DNM2: variants seen among roughly 807,000 people sequenced by gnomAD.
DNM2 encodes the protein dynamin-2.
In DNM2, 15 loss-of-function variants were observed where a neutral mutation model predicts 99.0. That is an observed-to-expected ratio of 0.15 (90% CI 0.10 to 0.23). DNM2 has a LOEUF of 0.23. Among genes scored for constraint, DNM2 ranks in the 10% least tolerant of loss-of-function variants. DNM2 has a pLI of 1.00. For synonymous variants in DNM2, 525 were observed against 481.2 expected, an observed-to-expected ratio of 1.09 and a Z score of -1.19; for missense variants, 742 against 1,189.4, an observed-to-expected ratio of 0.62 and a Z score of 5.53.
chr19:10,729,092 G>T (rs987220884), intron 1 of DNM2, among the ~76,000 whole-genome samples: 10 of 125,024 alleles, frequency 8.0e-5, no homozygotes, highest in Non-Finnish European at 1.6e-4. Context: ...GTGAACCCGG[G>T]AGGCGGAGCT....
intron 5 of DNM2, 105 bp downstream of exon 5, chr19:10,777,321 C>T: frequency 9.6e-7 from 1 of 1,037,976 alleles, no homozygotes; most frequent in South Asian, 1.3e-5. Flanking sequence ...ATTGCTTCTC[C>T]ATTTCACCGT....
intron 10 of DNM2, among the ~76,000 whole-genome samples, chr19:10,798,108 C>T (rs1478681346): frequency 6.6e-6 from 1 of 152,168 alleles, no homozygotes; most frequent in Non-Finnish European, 1.5e-5. Flanking sequence ...CTAGAACAGA[C>T]GCTACTCACT....
At chr19:10,787,891 T>C (rs1270212390) in intron 7 of DNM2, among the ~76,000 whole-genome samples, 1 of 150,066 alleles carries the variant, frequency 6.7e-6, no homozygotes, top group Non-Finnish European at 1.5e-5. Context: ...ATCGTGCCAT[T>C]GCACTCCAGC....
Position 10,775,887 on chromosome 19 carries a change from C to T in DNM2, c.570C>T (p.Ala190=), listed in dbSNP as rs762315864. ...DLANSDALKL[A]KEVDPQGLRT... is the part of the protein sequence containing the mutation. ...CCAACTCCGACGCCCTCAAGCTGGC[C>T]AAGGAAGTCGATCCCCAAGGTAACC... The change falls in exon 4 of 21, where the codon GCC becomes GCT. Residue 190 remains alanine (A), a synonymous_variant. Transcript: ENST00000389253. The surrounding 1 kb of genome is among the most constrained non-coding windows in gnomAD (Gnocchi z 4.3). 7.4e-6 allele frequency: 12 copies of T among 1,612,830 alleles called. No homozygotes were observed. The South Asian group carries it at 1.2e-4, about 16-fold the overall frequency.
At chr19:10,744,031 GC>G (rs1268460030) in intron 1 of DNM2, among the ~76,000 whole-genome samples, 1 of 151,274 alleles carries the variant, frequency 6.6e-6, no homozygotes, top group East Asian at 1.9e-4. Context: ...GGTAGCATAC[GC>G]CCGTAGTCCC....
At chr19:10,792,774 G>A (rs1032426592) in intron 7 of DNM2, among the ~76,000 whole-genome samples, 1 of 151,884 alleles carries the variant, frequency 6.6e-6, no homozygotes, top group African/African-American at 2.4e-5. Context: ...CACCCAGCTC[G>A]TTTTTGTATT....
intron 1 of DNM2, chr19:10,718,738 C>G (rs1317471758): frequency 2.0e-5 from 4 of 200,602 alleles, no homozygotes; most frequent in Admixed American, 6.1e-5. Context: ...GATCCCTCTT[C>G]TGCTCTTTCG....
At chr19:10,729,418 T>TG (rs1252037694) in intron 1 of DNM2, among the ~76,000 whole-genome samples, 1 of 151,910 alleles carries the variant, frequency 6.6e-6, no homozygotes, top group East Asian at 1.9e-4. Context: ...TGTACTGCAT[T>TG]GGGTGGGGGA....
chr19:10,784,980 C>T (rs1041020104), intron 6 of DNM2, among the ~76,000 whole-genome samples: 3 of 151,696 alleles, frequency 2.0e-5, no homozygotes, highest in Non-Finnish European at 4.4e-5. Context: ...TGCGCCACCA[C>T]ACTCAACTAA....
chr19:10,765,651 C>T lies in DNM2; in HGVS notation c.235+5840C>T, dbSNP rs1438530132. ...AGAGAGAACTCAAGGGCTAAATGGGCATGGGAAGTGTTGTGTGCTGTGCCC... is the reference window on the plus strand; with the variant it reads ...AGAGAGAACTCAAGGGCTAAATGGGTATGGGAAGTGTTGTGTGCTGTGCCC... On this transcript the variant is annotated intron_variant, in intron 2 of 20. Coordinates refer to ENST00000389253, the MANE Select transcript of DNM2 (RefSeq NM_001005361.3). This position sits in a 1 kb window ranked among gnomAD's most constrained non-coding sequence, Gnocchi z 4.4. Among the ~76,000 whole-genome samples the T allele has an allele frequency of 2.0e-5, 3 of 152,172 alleles. No individual in the cohort carries two copies. The highest frequency in any genetic ancestry group is 4.4e-5 in the Non-Finnish European group (3 of 68,026).
At position 10,718,178 on chromosome 19, in the gene DNM2, C is replaced by A; in HGVS notation, c.-65C>A. Reference sequence around the variant, plus strand: ...GCAACGGCTACAGACGCCGCGGGGCCAGGTCGTTGAGGGTCGGCGGCGGGC... The same window carrying A: ...GCAACGGCTACAGACGCCGCGGGGCAAGGTCGTTGAGGGTCGGCGGCGGGC... On this transcript the variant is annotated 5_prime_UTR_variant, in exon 1 of 21. Transcript: ENST00000389253. 7.4e-7 allele frequency: 1 copy of A among 1,343,502 alleles called. No homozygotes were observed. The highest frequency in any genetic ancestry group is 1.8e-5 in the South Asian group (1 of 54,822). 83.2% of individuals were successfully genotyped at this position (1,343,502 alleles called of 1,614,324 possible). A position where few individuals can be genotyped will look rare whatever the true frequency, so the allele number is the denominator to read the frequency against.
At chr19:10,763,859 C>T (rs1078655) in intron 2 of DNM2, among the ~76,000 whole-genome samples, 142,775 of 152,114 alleles carry the variant, frequency 0.94, 67,236 homozygotes, top group East Asian at 1. Flanking sequence ...AGAATGCAAG[C>T]GGGGAGTGGG....
Position 10,831,524 on chromosome 19 carries a change from G to A in DNM2, c.*477G>A, listed in dbSNP as rs182644552. The A allele has an allele frequency of 8.0e-5, 79 of 987,194 alleles. No homozygotes were observed. The Admixed American group carries it at 1.7e-3, about 21-fold the overall frequency. The allele number at this position is 987,194 out of a possible 1,614,324, so 61.2% of individuals were successfully genotyped here. A position where few individuals can be genotyped will look rare whatever the true frequency, so the allele number is the denominator to read the frequency against. On this transcript the variant is annotated 3_prime_UTR_variant, in exon 21 of 21. Coordinates refer to ENST00000389253, the MANE Select transcript of DNM2 (RefSeq NM_001005361.3). The surrounding 1 kb of genome is among the most constrained non-coding windows in gnomAD (Gnocchi z 4.3). ...GCGGCAAGCCTGGCCCAGTGGGCTC[G>A]GTAGTGCCCAGCTGGCAGGCCTGAG...
At chr19:10,799,238 G>A (rs17698352) in intron 11 of DNM2, among the ~76,000 whole-genome samples, 16,519 of 151,982 alleles carry the variant, frequency 0.11, 1,332 homozygotes, top group East Asian at 0.35. Context: ...TAAAAAAGAA[G>A]CAGCAAAGGA....
chr19:10,797,691 T>C (rs1044167936), intron 10 of DNM2, among the ~76,000 whole-genome samples, 173 bp downstream of exon 10: 1 of 152,198 alleles, frequency 6.6e-6, no homozygotes, highest in Non-Finnish European at 1.5e-5. Flanking sequence ...GGGAGTGGCA[T>C]CACACGTGGG....
At position 10,808,008 on chromosome 19, in the gene DNM2, TGGTG is replaced by T. The variant is rs147758469; in HGVS notation, c.1546-556_1546-553del. 0.029 allele frequency among the ~76,000 whole-genome samples: 4,441 copies of T among 151,668 alleles called. 387 individuals carry two copies. The East Asian group carries it at 0.36, about 12-fold the overall frequency. The stretch of plus-strand genomic sequence containing the variant: ...AATACAAAAAATTAGCCTGGCATGA[TGGTG>T]GGTGCCTATAATTCCACCTACTCGG... On this transcript the variant is annotated intron_variant, in intron 13 of 20. Transcript: ENST00000389253.
chr19:10,739,539 AT>A (rs1333903084), intron 1 of DNM2, among the ~76,000 whole-genome samples: 1 of 152,004 alleles, frequency 6.6e-6, no homozygotes, highest in African/African-American at 2.4e-5. Flanking sequence ...GGCTTTGTTT[AT>A]TTAGCATCAT....
chr19:10,773,747 C>T (rs1423740424), intron 3 of DNM2, among the ~76,000 whole-genome samples: 3 of 151,828 alleles, frequency 2.0e-5, no homozygotes, highest in Non-Finnish European at 4.4e-5. Flanking sequence ...GGATTACAGG[C>T]GTGAGCCACC....
chr19:10,732,089 T>G (rs1030772056), intron 1 of DNM2, among the ~76,000 whole-genome samples: 9 of 150,774 alleles, frequency 6.0e-5, no homozygotes, highest in African/African-American at 2.2e-4. Context: ...CGAGTAGCTG[T>G]GATTACAGGC....
Sources: allele counts gnomAD v4.1 joint callset (sites outside exome capture counted in the v4.1 genomes callset), GRCh38; gene constraint gnomAD v4.1.1; non-coding constraint Gnocchi (gnomAD v3.1); transcripts MANE v1.5; gene names NCBI Gene and HGNC (gene_info 2026-07-23, HGNC 2026-07-21).